CCDC144A: variants seen among roughly 807,000 people sequenced by gnomAD.
The protein encoded by CCDC144A is coiled-coil domain containing 144A.
In CCDC144A, 41 loss-of-function variants were observed where a neutral mutation model predicts 143.8. That is an observed-to-expected ratio of 0.29 (90% confidence interval 0.22 to 0.37). The LOEUF (loss-of-function observed/expected upper bound fraction) is 0.37, where lower values mean the gene tolerates loss of function less well. Ranked by LOEUF, CCDC144A falls within the 10% of genes least tolerant of loss-of-function variation. The pLI is 1.00. For missense variants in CCDC144A, 637 were observed against 1,488.8 expected, an observed-to-expected ratio of 0.43 and a Z score of 9.41; for synonymous variants, 242 against 517.9, an observed-to-expected ratio of 0.47 and a Z score of 7.23.
chr17:16,696,914 A>G (rs989347060), intron 2 of CCDC144A, among the ~76,000 whole-genome samples: 1 of 151,228 alleles, frequency 6.6e-6, no homozygotes, highest in African/African-American at 2.4e-5. Flanking sequence ...TTTTCTTTAC[A>G]TATTTCTTTT....
At chr17:16,670,137 C>T in the CCDC144A span, among the ~76,000 whole-genome samples, 2 of 151,490 alleles carry the variant, frequency 1.3e-5, no homozygotes, top group African/African-American at 4.8e-5. Flanking sequence ...GCTGAGATCA[C>T]GCCACTGCAC....
chr17:16,682,883 G>GTT, the CCDC144A span, among the ~76,000 whole-genome samples: 421 of 46,432 alleles, frequency 9.1e-3, 153 homozygotes, highest in Non-Finnish European at 0.014. Flanking sequence ...TGGATTCTCT[G>GTT]TTTTTTTTTT....
the CCDC144A span, chr17:16,684,159 G>A: frequency 6.9e-6 from 8 of 1,164,124 alleles, no homozygotes; most frequent in Admixed American, 1.2e-4. Flanking sequence ...ACAAGTGCAG[G>A]GAAAGAGGTG....
chr17:16,720,177 G>A, intron 6 of CCDC144A, 21 bp from the exon 7 acceptor site: 1 of 1,505,968 alleles, frequency 6.6e-7, no homozygotes, highest in Non-Finnish European at 8.9e-7. Context: ...TTTTCTAAAA[G>A]GAATTGTTTT....
At chr17:16,734,289 C>T (rs2082981995) in intron 11 of CCDC144A, among the ~76,000 whole-genome samples, 1 of 151,994 alleles carries the variant, frequency 6.6e-6, no homozygotes, top group African/African-American at 2.4e-5. Flanking sequence ...AACGTTGGAA[C>T]ATTTCCTCTG....
At chr17:16,704,347 C>A (rs1031186565) in intron 2 of CCDC144A, among the ~76,000 whole-genome samples, 6 of 151,980 alleles carry the variant, frequency 3.9e-5, no homozygotes, top group African/African-American at 1.4e-4. Flanking sequence ...CCCAGCTACT[C>A]AGGAGGCTGA....
At chr17:16,689,135 CCTTT>C (rs1357172963), upstream of CCDC144A, among the ~76,000 whole-genome samples, 8 of 152,204 alleles carry the variant, frequency 5.3e-5, no homozygotes, top group Admixed American at 3.9e-4. Context: ...ACCCTTCCTT[CCTTT>C]CTTTCTTCCT....
At chr17:16,677,879 CTAA>C in the CCDC144A span, among the ~76,000 whole-genome samples, 3 of 151,512 alleles carry the variant, frequency 2.0e-5, no homozygotes, top group African/African-American at 7.3e-5. Context: ...GTCATGACAC[CTAA>C]TTTATCAGGA....
At position 16,733,717 on chromosome 17, in the gene CCDC144A, A is replaced by C. The variant is rs941134804; in HGVS notation, c.2419-973A>C. Among the ~76,000 whole-genome samples, 581 of 151,700 alleles carry C rather than the reference A, an allele frequency of 3.8e-3. 6 individuals are homozygous for C. The highest frequency in any genetic ancestry group is 0.013 in the African/African-American group (553 of 41,346). ...TTTATATATACACAACACAGAAGTAATTGTGGTTTGGTGGAAGAGCACTAG... is the reference window on the plus strand; with the variant it reads ...TTTATATATACACAACACAGAAGTACTTGTGGTTTGGTGGAAGAGCACTAG... On this transcript the variant is annotated intron_variant, in intron 11 of 16. Transcript: ENST00000399273.
the CCDC144A span, among the ~76,000 whole-genome samples, chr17:16,675,429 G>A: frequency 1.3e-5 from 2 of 150,700 alleles, no homozygotes; most frequent in African/African-American, 4.9e-5. Flanking sequence ...TGAAATAAAA[G>A]GAGCAGATAT....
chr17:16,682,642 G>A, the CCDC144A span, among the ~76,000 whole-genome samples: 1 of 151,954 alleles, frequency 6.6e-6, no homozygotes, highest in Non-Finnish European at 1.5e-5. Context: ...AAATGTCAGG[G>A]GAAAGTGGGT....
intron 6 of CCDC144A, among the ~76,000 whole-genome samples, chr17:16,713,474 C>G (rs1225074484): frequency 6.6e-6 from 1 of 152,158 alleles, no homozygotes; most frequent in Non-Finnish European, 1.5e-5. Context: ...CTGCACTTGT[C>G]CCCTTTTATT....
At chr17:16,687,815 T>C (rs1380455921), upstream of CCDC144A, among the ~76,000 whole-genome samples, 7 of 152,188 alleles carry the variant, frequency 4.6e-5, no homozygotes, top group African/African-American at 1.7e-4. Flanking sequence ...TACAGTTGCC[T>C]CAATTCACGG....
chr17:16,728,822 G>T (rs1913559794), intron 9 of CCDC144A, among the ~76,000 whole-genome samples: 1 of 152,122 alleles, frequency 6.6e-6, no homozygotes, highest in African/African-American at 2.4e-5. Flanking sequence ...TCCCTATTAT[G>T]AGCGAGAATG....
the CCDC144A span, among the ~76,000 whole-genome samples, chr17:16,673,485 C>G: frequency 1.3e-5 from 2 of 151,196 alleles, no homozygotes; most frequent in African/African-American, 4.9e-5. Flanking sequence ...CCCCTGGGTT[C>G]AAGCGATTCT....
the CCDC144A span, among the ~76,000 whole-genome samples, chr17:16,679,393 C>A: frequency 4.6e-5 from 7 of 151,846 alleles, no homozygotes; most frequent in East Asian, 1.4e-3. Context: ...AATGACAACA[C>A]AATTGTATAT....
intron 4 of CCDC144A, among the ~76,000 whole-genome samples, chr17:16,707,870 G>A (rs932833055): frequency 2.0e-5 from 3 of 152,156 alleles, no homozygotes; most frequent in Admixed American, 2.0e-4. Flanking sequence ...CAGAAATTAT[G>A]AACAATTTAA....
intron 12 of CCDC144A, chr17:16,737,446 G>A (rs1218015367): frequency 4.1e-5 from 51 of 1,242,954 alleles, no homozygotes; most frequent in Non-Finnish European, 5.3e-5. Context: ...GATTACAGGC[G>A]TGAGCCACCG....
chr17:16,769,074 A>G (rs1206354322), intron 15 of CCDC144A, among the ~76,000 whole-genome samples: 4 of 152,216 alleles, frequency 2.6e-5, no homozygotes, highest in South Asian at 2.1e-4. Context: ...ACAGTATTTT[A>G]TCCCAGATTA....
Sources: gnomAD v4.1 joint callset for allele counts (sites outside exome capture counted in the v4.1 genomes callset) on GRCh38, gnomAD v4.1.1 for gene constraint, MANE v1.5 for transcripts, NCBI Gene and HGNC (gene_info 2026-07-23, HGNC 2026-07-21) for gene names.